SPTLC3: variants seen among roughly 807,000 people sequenced by gnomAD.
SPTLC3 encodes the protein serine palmitoyltransferase long chain base subunit 3, also known as serine palmitoyltransferase 3.
A neutral mutation model predicts 59.3 loss-of-function variants in SPTLC3; 36 were observed. That is an observed-to-expected ratio of 0.61 (90% CI 0.47 to 0.80). The LOEUF (loss-of-function observed/expected upper bound fraction) is 0.80. Among genes scored for constraint, SPTLC3 ranks in the 30% least tolerant of loss-of-function variants. The pLI is 0.00. For synonymous variants in SPTLC3, 257 were observed against 240.8 expected, an observed-to-expected ratio of 1.07 and a Z score of -0.62; for missense variants, 625 against 685.1, an observed-to-expected ratio of 0.91 and a Z score of 0.98.
At chr20:13,075,854 T>G (rs961412987) in intron 4 of SPTLC3, among the ~76,000 whole-genome samples, 6 of 152,172 alleles carry the variant, frequency 3.9e-5, no homozygotes, top group African/African-American at 1.4e-4. Context: ...TGAGACAGAA[T>G]GCTGCCTACA....
intron 6 of SPTLC3, among the ~76,000 whole-genome samples, chr20:13,103,051 C>T (rs777401854): frequency 1.1e-4 from 16 of 152,150 alleles, no homozygotes; most frequent in South Asian, 1.0e-3. Flanking sequence ...TAAGGCTGTG[C>T]GACATCTATC....
At position 13,084,414 on chromosome 20, in the gene SPTLC3, T is replaced by C. The variant is rs143729570; in HGVS notation, c.608-6669T>C. On this transcript the variant is annotated intron_variant, in intron 4 of 11. Transcript: ENST00000399002. ...CCTGCTTTGGAAAAAGCCACGGAAT[T>C]GTGATGAAGTGTTTCATCTCTGGAG... Among the ~76,000 whole-genome samples the C allele has an allele frequency of 5.2e-4, 79 of 152,298 alleles. 1 individual carries two copies. The East Asian group carries it at 0.014, about 26-fold the overall frequency.
At chr20:13,081,512 C>A (rs1484640063) in intron 4 of SPTLC3, among the ~76,000 whole-genome samples, 1 of 152,122 alleles carries the variant, frequency 6.6e-6, no homozygotes, top group Non-Finnish European at 1.5e-5. Flanking sequence ...CCTAAATATG[C>A]AATATGCCTA....
At chr20:13,053,620 T>A (rs1016169903) in intron 2 of SPTLC3, among the ~76,000 whole-genome samples, 1 of 151,964 alleles carries the variant, frequency 6.6e-6, no homozygotes, top group Non-Finnish European at 1.5e-5. Flanking sequence ...TCTAACCCAA[T>A]GCAAGGAAGC....
intron 2 of SPTLC3, among the ~76,000 whole-genome samples, chr20:13,071,047 C>T (rs1988416873): frequency 1.3e-5 from 2 of 152,154 alleles, no homozygotes; most frequent in South Asian, 2.1e-4. Flanking sequence ...TGTAATCCCA[C>T]GAATGTCCAA....
chr20:13,009,038 A>T lies in SPTLC3; in HGVS notation c.-230A>T. ...TTCGGAAGCAGGTTTGTTGCCATGG[A>T]GTTCACATTTTGACGGGAGTTGAGA... On this transcript the variant is annotated 5_prime_UTR_variant, in exon 1 of 12. Coordinates refer to ENST00000399002, the MANE Select transcript of SPTLC3 (RefSeq NM_018327.4). 2.4e-6 allele frequency: 1 copy of T among 424,610 alleles called. No individual in the cohort carries two copies. The highest frequency in any genetic ancestry group is 4.2e-6 in the Non-Finnish European group (1 of 236,452). The allele number at this position is 424,610 out of a possible 1,614,324, so 26.3% of individuals were successfully genotyped here.
chr20:13,068,367 A>G (rs1433704979), intron 2 of SPTLC3, among the ~76,000 whole-genome samples: 1 of 152,234 alleles, frequency 6.6e-6, no homozygotes, highest in Non-Finnish European at 1.5e-5. Flanking sequence ...CTATAGATAA[A>G]TAAAGATATA....
chr20:13,150,673 G>T (rs909483767), intron 9 of SPTLC3, among the ~76,000 whole-genome samples: 8 of 152,078 alleles, frequency 5.3e-5, no homozygotes, highest in African/African-American at 1.7e-4. Context: ...TTAAATGTGG[G>T]ATTCTTCAAT....
intron 2 of SPTLC3, among the ~76,000 whole-genome samples, chr20:13,057,847 T>G (rs747220891): frequency 2.0e-5 from 3 of 152,240 alleles, no homozygotes; most frequent in Non-Finnish European, 2.9e-5. Flanking sequence ...TGCAATGATG[T>G]AACAGTCCAA....
At chr20:13,073,861 T>C in intron 3 of SPTLC3, 1 of 541,516 alleles carries the variant, frequency 1.8e-6, no homozygotes, top group Non-Finnish European at 3.6e-6. Context: ...TTTTTCCTTT[T>C]CTTTAATAAA....
At chr20:13,127,849 G>T (rs1394043120) in intron 9 of SPTLC3, among the ~76,000 whole-genome samples, 1 of 152,170 alleles carries the variant, frequency 6.6e-6, no homozygotes, top group African/African-American at 2.4e-5. Context: ...TGCCTTTTCG[G>T]TGTTATGACT....
intron 6 of SPTLC3, among the ~76,000 whole-genome samples, chr20:13,101,218 G>A (rs2122653017): frequency 6.6e-6 from 1 of 152,332 alleles, no homozygotes; most frequent in East Asian, 1.9e-4. Context: ...TGTTCCCACA[G>A]CCAGAAAAAG....
Position 13,167,700 on chromosome 20 carries a change from T to A in SPTLC3, c.*2833T>A, listed in dbSNP as rs1272016320. ...CGTTTAACCATATTGCCTTTCAGCATGCTTTGATTTTACAGAGACGACAGG... is the reference window on the plus strand; with the variant it reads ...CGTTTAACCATATTGCCTTTCAGCAAGCTTTGATTTTACAGAGACGACAGG... On this transcript the variant is annotated 3_prime_UTR_variant, in exon 12 of 12. Coordinates refer to ENST00000399002, the MANE Select transcript of SPTLC3 (RefSeq NM_018327.4). The A allele has an allele frequency of 6.6e-6, 1 of 152,190 alleles. No homozygotes were observed. The highest frequency in any genetic ancestry group is 1.5e-5 in the Non-Finnish European group (1 of 68,040). 9.4% of individuals were successfully genotyped at this position (152,190 alleles called of 1,614,324 possible).
intron 6 of SPTLC3, among the ~76,000 whole-genome samples, chr20:13,103,571 T>C (rs1989703756): frequency 6.6e-6 from 1 of 152,138 alleles, no homozygotes; most frequent in African/African-American, 2.4e-5. Flanking sequence ...AACCAAAGGG[T>C]GTCTCTAAAT....
intron 4 of SPTLC3, among the ~76,000 whole-genome samples, chr20:13,080,658 G>A (rs535296275): frequency 8.7e-4 from 132 of 151,972 alleles, no homozygotes; most frequent in African/African-American, 2.6e-3. Flanking sequence ...ATAATAACCC[G>A]TAGTTTCAAA....
At chr20:13,072,529 T>C in intron 3 of SPTLC3, 119 bp downstream of exon 3, 1 of 1,152,706 alleles carries the variant, frequency 8.7e-7, no homozygotes. Flanking sequence ...TTTTGTATCA[T>C]TTATGCCTTT....
chr20:13,023,235 T>G (rs1985979760), intron 1 of SPTLC3, among the ~76,000 whole-genome samples: 1 of 150,904 alleles, frequency 6.6e-6, no homozygotes, highest in Non-Finnish European at 1.5e-5. Flanking sequence ...TTAATTGTTC[T>G]CTTTAGCATT....
In SPTLC3 at chr20:13,164,803, C is replaced by G; in HGVS notation, c.1595C>G (p.Ser532Cys). Residue 532 changes from serine to cysteine, a missense_variant, in exon 12 of 12, where the codon TCC becomes TGC. Ser to Cys is a moderately radical substitution (Grantham distance 112). Transcript: ENST00000399002. ...GGTGATCTCTTGCAACTGAAATATT[C>G]CCGGCACAAGAAGTCAGCACGTCCT... ...EMGDLLQLKY[S>C]RHKKSARPEL... is the part of the protein sequence containing the mutation. 6.2e-7 allele frequency: 1 copy of G among 1,613,806 alleles called. No individual in the cohort carries two copies. Among genetic ancestry groups the G allele is most frequent in the South Asian group, 1.1e-5 (1 of 91,052 alleles).
chr20:13,113,427 T>G (rs1465777288), intron 7 of SPTLC3, among the ~76,000 whole-genome samples: 1 of 152,034 alleles, frequency 6.6e-6, no homozygotes, highest in Non-Finnish European at 1.5e-5. Context: ...TACATCAATT[T>G]TTTCATAACC....
Sources: allele counts gnomAD v4.1 joint callset (sites outside exome capture counted in the v4.1 genomes callset), GRCh38; gene constraint gnomAD v4.1.1; transcripts MANE v1.5; gene names NCBI Gene and HGNC (gene_info 2026-07-23, HGNC 2026-07-21).